EXOC4: variants seen among roughly 807,000 people sequenced by gnomAD.
EXOC4 encodes SEC8-like 1.
Under a neutral mutation model 107.2 loss-of-function variants are expected in EXOC4, and 71 were observed. The observed-to-expected ratio is 0.66, with a 90% CI of 0.55 to 0.81. EXOC4 has a LOEUF of 0.81. EXOC4 is among the 30% of genes least tolerant of loss of function. EXOC4 has a pLI of 0.00. For missense variants in EXOC4, 1,108 were observed against 1,189.6 expected (o/e 0.93, Z 1.01); for synonymous variants, 456 against 441.2 (o/e 1.03, Z -0.42).
At chr7:133,488,586 A>G (rs1391281725) in intron 9 of EXOC4, among the ~76,000 whole-genome samples, 2 of 152,170 alleles carry the variant, frequency 1.3e-5, no homozygotes, top group African/African-American at 4.8e-5. Flanking sequence ...GATCATGCAT[A>G]TAGGAAAAAA....
chr7:133,675,102 A>G (rs2151061618), intron 10 of EXOC4, among the ~76,000 whole-genome samples: 1 of 152,232 alleles, frequency 6.6e-6, no homozygotes, highest in East Asian at 1.9e-4. Flanking sequence ...ACAGTAAGTT[A>G]GTGTTTTCCA....
At chr7:133,484,857 A>G (rs926553857) in intron 9 of EXOC4, among the ~76,000 whole-genome samples, 3 of 151,976 alleles carry the variant, frequency 2.0e-5, no homozygotes, top group Non-Finnish European at 4.4e-5. Context: ...AGGTGCACAG[A>G]TCACTTGAGG....
At chr7:134,025,821 A>G (rs1795126054) in intron 17 of EXOC4, among the ~76,000 whole-genome samples, 1 of 152,208 alleles carries the variant, frequency 6.6e-6, no homozygotes, top group Non-Finnish European at 1.5e-5. Flanking sequence ...TAGACCCAGG[A>G]CGAGCATAGT....
intron 11 of EXOC4, among the ~76,000 whole-genome samples, chr7:133,851,146 A>C (rs1798232569): frequency 6.6e-6 from 1 of 152,160 alleles, no homozygotes; most frequent in Non-Finnish European, 1.5e-5. Context: ...TCCTTTGGGC[A>C]CTATTCTGGA....
At chr7:133,979,644 C>T (rs1381091067) in intron 14 of EXOC4, among the ~76,000 whole-genome samples, 5 of 151,912 alleles carry the variant, frequency 3.3e-5, no homozygotes, top group African/African-American at 9.7e-5. Context: ...AAAAATTAGC[C>T]GGGCATGGTG....
chr7:134,007,672 T>A lies in EXOC4; in HGVS notation c.2528-4T>A. 1 of 1,611,914 alleles carries A rather than the reference T, an allele frequency of 6.2e-7. No individual in the cohort carries two copies. The highest frequency in any genetic ancestry group is 8.5e-7 in the Non-Finnish European group (1 of 1,178,918). On this transcript the variant is annotated splice_polypyrimidine_tract_variant and splice_region_variant and intron_variant, in intron 16 of 17. Coordinates refer to ENST00000253861, the MANE Select transcript of EXOC4 (RefSeq NM_021807.4). ...CTTTGCCCCGCACTGTGCTGACCCC[T>A]CAGGCCTGGGCCACCTGATCTCCTG...
intron 9 of EXOC4, among the ~76,000 whole-genome samples, chr7:133,622,849 CAT>C (rs1225153829): frequency 1.3e-5 from 2 of 152,190 alleles, no homozygotes; most frequent in East Asian, 3.9e-4. Context: ...TCCTTGGAAA[CAT>C]AAAATGATAC....
chr7:133,465,253 GAAGCTAT>G (rs1383833421), intron 7 of EXOC4, among the ~76,000 whole-genome samples: 1 of 152,160 alleles, frequency 6.6e-6, no homozygotes, highest in Non-Finnish European at 1.5e-5. Context: ...AGAATATATT[GAAGCTAT>G]AGTTAGGAAT....
chr7:133,466,591 T>A (rs1332445617), intron 7 of EXOC4, among the ~76,000 whole-genome samples: 1 of 152,152 alleles, frequency 6.6e-6, no homozygotes, highest in Non-Finnish European at 1.5e-5. Context: ...TTCACACAAA[T>A]ATTCTGTCAA....
intron 10 of EXOC4, among the ~76,000 whole-genome samples, chr7:133,751,977 T>G (rs1332187607): frequency 1.1e-5 from 1 of 92,286 alleles, no homozygotes. Flanking sequence ...AGACTATCTC[T>G]CTACCAAATA....
At chr7:133,710,660 AG>A (rs200794997) in intron 10 of EXOC4, among the ~76,000 whole-genome samples, 5,110 of 133,448 alleles carry the variant, frequency 0.038, 316 homozygotes, top group Middle Eastern at 0.074. Flanking sequence ...ACTCTGTCTC[AG>A]AAAAAAAAAA....
intron 11 of EXOC4, among the ~76,000 whole-genome samples, chr7:133,882,889 C>T (rs999026551): frequency 6.6e-5 from 10 of 152,154 alleles, no homozygotes; most frequent in African/African-American, 2.2e-4. Flanking sequence ...GTTCTAATCC[C>T]ACGAACGGAC....
intron 11 of EXOC4, among the ~76,000 whole-genome samples, chr7:133,834,646 T>C (rs535235395): frequency 6.6e-6 from 1 of 152,346 alleles, no homozygotes; most frequent in East Asian, 1.9e-4. Flanking sequence ...GGAAGGAGTA[T>C]GAGCAGAGGC....
chr7:133,810,606 TTTTA>T (rs1218779557), intron 10 of EXOC4, among the ~76,000 whole-genome samples: 4 of 139,114 alleles, frequency 2.9e-5, no homozygotes, highest in African/African-American at 1.1e-4. Flanking sequence ...CTTTATTTTA[TTTTA>T]TTTTATTTTA....
At chr7:133,621,287 A>T (rs1802324192) in intron 9 of EXOC4, among the ~76,000 whole-genome samples, 1 of 152,154 alleles carries the variant, frequency 6.6e-6, no homozygotes. Context: ...TTGTTTTCTA[A>T]ACCAAGAGAC....
At chr7:133,645,663 A>G (rs146338359) in intron 10 of EXOC4, among the ~76,000 whole-genome samples, 406 of 146,704 alleles carry the variant, frequency 2.8e-3, no homozygotes, top group Non-Finnish European at 5.0e-3. Flanking sequence ...GAACCAGGAT[A>G]TCAAGAACAG....
intron 6 of EXOC4, among the ~76,000 whole-genome samples, chr7:133,363,002 T>C (rs1149558): frequency 0.33 from 50,844 of 152,104 alleles, 10,632 homozygotes; most frequent in East Asian, 0.55. Flanking sequence ...CACCTGGACA[T>C]GCTTGGAATC....
chr7:134,003,083 C>T (rs966257158), intron 15 of EXOC4, among the ~76,000 whole-genome samples: 12 of 152,032 alleles, frequency 7.9e-5, no homozygotes, highest in Non-Finnish European at 1.8e-4. Flanking sequence ...TATCAATGGG[C>T]GAATAGATAA....
intron 12 of EXOC4, among the ~76,000 whole-genome samples, chr7:133,912,299 T>G (rs1799712366): frequency 6.6e-6 from 1 of 152,228 alleles, no homozygotes. Flanking sequence ...GAGGAGACTT[T>G]CCAATAATAG....
Sources: allele counts gnomAD v4.1 joint callset (sites outside exome capture counted in the v4.1 genomes callset), GRCh38; gene constraint gnomAD v4.1.1; transcripts MANE v1.5; gene names NCBI Gene and HGNC (gene_info 2026-07-23, HGNC 2026-07-21).